The following FAM13A variants were observed in gnomAD, a reference collection of about 807,000 sequenced individuals.
The protein encoded by FAM13A is family with sequence similarity 13 member A.
In FAM13A, 76 loss-of-function variants were observed where a neutral mutation model predicts 129.6. The observed-to-expected ratio is 0.59, with a 90% CI of 0.49 to 0.71. The LOEUF is 0.71. Ranked by LOEUF, FAM13A falls within the 30% of genes least tolerant of loss-of-function variation. The probability of loss-of-function intolerance (pLI) is 0.00; values close to 1 mark genes in which losing one functional copy is unlikely to be tolerated. For missense variants in FAM13A, 1,108 were observed against 1,249.3 expected, an observed-to-expected ratio of 0.89 and a Z score of 1.70; for synonymous variants, 443 against 449.9, an observed-to-expected ratio of 0.98 and a Z score of 0.20.
At chr4:88,961,710 A>G (rs1758651056) in intron 4 of FAM13A, among the ~76,000 whole-genome samples, 1 of 152,102 alleles carries the variant, frequency 6.6e-6, no homozygotes. Flanking sequence ...AGTAGGGAAC[A>G]TAAAATAAAT....
At chr4:89,043,997 C>T (rs1770501646) in intron 1 of FAM13A, among the ~76,000 whole-genome samples, 1 of 150,182 alleles carries the variant, frequency 6.7e-6, no homozygotes, top group Non-Finnish European at 1.5e-5. Context: ...ACTCAGGAGG[C>T]TGAGGTGGAT....
At chr4:88,771,992 T>C (rs1578580991) in intron 11 of FAM13A, among the ~76,000 whole-genome samples, 1 of 152,356 alleles carries the variant, frequency 6.6e-6, no homozygotes, top group East Asian at 1.9e-4. Flanking sequence ...CTCTCCGTGT[T>C]GGCATTGAAA....
chr4:88,954,269 C>A (rs965596873), intron 4 of FAM13A, among the ~76,000 whole-genome samples: 2 of 152,188 alleles, frequency 1.3e-5, no homozygotes, highest in African/African-American at 2.4e-5. Context: ...GAAAATGAAT[C>A]TGTGATCACA....
intron 5 of FAM13A, among the ~76,000 whole-genome samples, chr4:88,920,295 AC>A: frequency 6.6e-6 from 1 of 152,080 alleles, no homozygotes. Flanking sequence ...ACTGGGAGGC[AC>A]CCCATAGTAG....
intron 7 of FAM13A, among the ~76,000 whole-genome samples, chr4:88,828,766 G>C (rs2149870531): frequency 6.6e-6 from 1 of 152,118 alleles, no homozygotes; most frequent in East Asian, 1.9e-4. Flanking sequence ...AGATAAACTG[G>C]ATGCCACATG....
chr4:88,898,103 G>C lies in FAM13A; in HGVS notation c.843+8276C>G, dbSNP rs184157603. On this transcript the variant is annotated intron_variant, in intron 6 of 23. Coordinates refer to ENST00000264344, the MANE Select transcript of FAM13A (RefSeq NM_014883.4). ...TTTACATAAATAACATGTTAGAAAT[G>C]GGACTAATTTCATGAGAGTAATAGA... Among the ~76,000 whole-genome samples the C allele has an allele frequency of 6.6e-5, 10 of 152,186 alleles. No individual in the cohort carries two copies. In the East Asian group the frequency reaches 1.9e-3, roughly 29 times the overall value.
chr4:88,807,290 A>C (rs1367623073), intron 7 of FAM13A, among the ~76,000 whole-genome samples: 2 of 152,174 alleles, frequency 1.3e-5, no homozygotes, highest in East Asian at 3.9e-4. Context: ...ATTTCTCTGC[A>C]GCAAACAGAA....
intron 7 of FAM13A, among the ~76,000 whole-genome samples, chr4:88,841,481 G>C (rs981251395): frequency 6.8e-5 from 8 of 117,612 alleles, no homozygotes; most frequent in Admixed American, 2.2e-4. Flanking sequence ...GTGACAGAGT[G>C]AGACTCTGTC....
intron 4 of FAM13A, among the ~76,000 whole-genome samples, chr4:88,958,591 A>G (rs1758132661): frequency 6.6e-6 from 1 of 152,226 alleles, no homozygotes; most frequent in African/African-American, 2.4e-5. Flanking sequence ...GCCTCTGCCT[A>G]GATGTCAGAG....
chr4:88,948,493 CT>C lies in FAM13A; in HGVS notation c.606-10253del, dbSNP rs112503453. On this transcript the variant is annotated intron_variant, in intron 4 of 23. Transcript: ENST00000264344. ...TTGGAATGATGGAAATGGCCTGTAT[CT>C]TTTTTTTTTTTTGAGACAGAGTCTC... 2.1e-3 allele frequency among the ~76,000 whole-genome samples: 303 copies of C among 143,828 alleles called. 1 individual carries two copies. Among genetic ancestry groups the C allele is most frequent in the Non-Finnish European group, 1.8e-3 (118 of 65,078 alleles). 94.4% of individuals were successfully genotyped at this position (143,828 alleles called of 152,430 possible). A position where few individuals can be genotyped will look rare whatever the true frequency, so the allele number is the denominator to read the frequency against.
chr4:88,902,359 T>A (rs1354468194), intron 6 of FAM13A, among the ~76,000 whole-genome samples: 2 of 152,014 alleles, frequency 1.3e-5, no homozygotes, highest in Non-Finnish European at 2.9e-5. Context: ...AAGTTGTCAA[T>A]AAAACACTGG....
chr4:88,881,626 G>T (rs1014776953), intron 6 of FAM13A, among the ~76,000 whole-genome samples: 17 of 152,070 alleles, frequency 1.1e-4, no homozygotes, highest in Non-Finnish European at 1.8e-4. Context: ...AAAACAAGAA[G>T]AAATCTCTGA....
intron 4 of FAM13A, among the ~76,000 whole-genome samples, chr4:88,944,918 A>C (rs570824387): frequency 1.9e-4 from 28 of 151,064 alleles, no homozygotes; most frequent in Middle Eastern, 3.5e-3. Flanking sequence ...AAAAAAAAAA[A>C]GTTCAATCTG....
chr4:89,045,094 C>A (rs1770678114), intron 1 of FAM13A, among the ~76,000 whole-genome samples: 3 of 151,430 alleles, frequency 2.0e-5, no homozygotes, highest in African/African-American at 7.3e-5. Context: ...TATATTTTAT[C>A]ACAATAAAAA....
At chr4:88,978,726 G>A (rs148155378) in intron 4 of FAM13A, among the ~76,000 whole-genome samples, 2 of 152,170 alleles carry the variant, frequency 1.3e-5, no homozygotes, top group Non-Finnish European at 2.9e-5. Context: ...CCTGGGAGGC[G>A]GAGCTTGCAG....
At chr4:88,877,930 TTC>T in intron 6 of FAM13A, among the ~76,000 whole-genome samples, 1 of 152,278 alleles carries the variant, frequency 6.6e-6, no homozygotes, top group East Asian at 1.9e-4. Context: ...AACAAATTCT[TTC>T]TCTTTGTGAA....
chr4:89,035,720 G>A (rs1268029573), intron 1 of FAM13A, among the ~76,000 whole-genome samples: 2 of 152,224 alleles, frequency 1.3e-5, no homozygotes, highest in African/African-American at 2.4e-5. Flanking sequence ...ACAAGATCGG[G>A]TTGTTTAAAA....
At chr4:88,795,348 T>A (rs987832854) in intron 8 of FAM13A, among the ~76,000 whole-genome samples, 1 of 151,836 alleles carries the variant, frequency 6.6e-6, no homozygotes, top group Admixed American at 6.6e-5. Context: ...ATCTTAATGC[T>A]ATATTAAATT....
chr4:88,760,972 T>G (rs1023306443), intron 13 of FAM13A, among the ~76,000 whole-genome samples: 2 of 152,170 alleles, frequency 1.3e-5, no homozygotes, highest in African/African-American at 4.8e-5. Flanking sequence ...AAATATGATT[T>G]CATTTTTAAA....
Sources: allele counts gnomAD v4.1 joint callset (sites outside exome capture counted in the v4.1 genomes callset), GRCh38; gene constraint gnomAD v4.1.1; transcripts MANE v1.5; gene names NCBI Gene and HGNC (gene_info 2026-07-23, HGNC 2026-07-21).